The following ZSWIM6 variants were observed in gnomAD, a reference collection of about 807,000 sequenced individuals.
ZSWIM6 encodes the protein zinc finger SWIM-type containing 6, also known as zinc finger SWIM domain-containing protein 6.
A neutral mutation model predicts 113.2 loss-of-function variants in ZSWIM6; 9 were observed. That is an observed-to-expected ratio of 0.08 (90% CI 0.05 to 0.14). The LOEUF (loss-of-function observed/expected upper bound fraction) is 0.14. Ranked by LOEUF, ZSWIM6 falls within the 10% of genes least tolerant of loss-of-function variation. ZSWIM6 has a pLI of 1.00. For synonymous variants in ZSWIM6, 611 were observed against 606.5 expected, an observed-to-expected ratio of 1.01 and a Z score of -0.11; for missense variants, 1,162 against 1,552.2, an observed-to-expected ratio of 0.75 and a Z score of 4.22.
intron 4 of ZSWIM6, among the ~76,000 whole-genome samples, chr5:61,496,530 T>G (rs1748319343): frequency 6.6e-6 from 1 of 152,176 alleles, no homozygotes; most frequent in South Asian, 2.1e-4. Flanking sequence ...GCTTTGGAAT[T>G]AAATGCTGAG....
At chr5:61,421,596 C>T (rs1746356421) in intron 1 of ZSWIM6, among the ~76,000 whole-genome samples, 1 of 152,288 alleles carries the variant, frequency 6.6e-6, no homozygotes, top group Middle Eastern at 3.4e-3. Flanking sequence ...GTATTAAACC[C>T]AGTACCCAAC....
chr5:61,429,494 T>C (rs143541321), intron 1 of ZSWIM6, among the ~76,000 whole-genome samples: 1 of 152,328 alleles, frequency 6.6e-6, no homozygotes, highest in East Asian at 1.9e-4. Flanking sequence ...GAATCTGGCA[T>C]GGCCTGGAAG....
chr5:61,491,479 A>C (rs1467080853), intron 3 of ZSWIM6, among the ~76,000 whole-genome samples: 1 of 152,030 alleles, frequency 6.6e-6, no homozygotes, highest in Non-Finnish European at 1.5e-5. Context: ...ATAATAACAT[A>C]TCTCCTAAAA....
intron 1 of ZSWIM6, among the ~76,000 whole-genome samples, chr5:61,413,572 G>T (rs60859415): frequency 0.14 from 21,496 of 151,970 alleles, 1,630 homozygotes; most frequent in Non-Finnish European, 0.17. Flanking sequence ...GGTATTTCTA[G>T]TTCTAGATCC....
chr5:61,486,046 TGGGCTATA>T (rs1748010276), intron 2 of ZSWIM6, among the ~76,000 whole-genome samples: 1 of 152,136 alleles, frequency 6.6e-6, no homozygotes, highest in Admixed American at 6.6e-5. Context: ...GTGTGTAGTC[TGGGCTATA>T]GGGCATCCAT....
chr5:61,397,304 T>G (rs1745857478), intron 1 of ZSWIM6, among the ~76,000 whole-genome samples: 1 of 152,240 alleles, frequency 6.6e-6, no homozygotes, highest in Non-Finnish European at 1.5e-5. Context: ...TTTCTTAAAT[T>G]TAAATACATT....
chr5:61,385,816 C>G (rs1745581919), intron 1 of ZSWIM6, among the ~76,000 whole-genome samples: 3 of 152,194 alleles, frequency 2.0e-5, no homozygotes, highest in African/African-American at 7.2e-5. Context: ...TGTCCACTGG[C>G]TCTCTTGTCT....
intron 1 of ZSWIM6, among the ~76,000 whole-genome samples, chr5:61,368,488 C>G (rs368533018): frequency 6.6e-6 from 1 of 152,142 alleles, no homozygotes; most frequent in African/African-American, 2.4e-5. Context: ...CAGTAGAAAA[C>G]AAGAGAGAAA....
At chr5:61,365,754 G>T (rs1745136019) in intron 1 of ZSWIM6, among the ~76,000 whole-genome samples, 1 of 152,158 alleles carries the variant, frequency 6.6e-6, no homozygotes, top group South Asian at 2.1e-4. Context: ...ACTTACTAGA[G>T]AGTGTGTGCA....
chr5:61,524,599 C>T (rs774082836), intron 5 of ZSWIM6, among the ~76,000 whole-genome samples: 9 of 152,148 alleles, frequency 5.9e-5, no homozygotes, highest in Non-Finnish European at 1.0e-4. Context: ...GTTCCATCAG[C>T]AGAGTAAAGG....
intron 1 of ZSWIM6, among the ~76,000 whole-genome samples, chr5:61,439,477 T>C (rs1746778725): frequency 6.6e-6 from 1 of 152,338 alleles, no homozygotes; most frequent in Non-Finnish European, 1.5e-5. Context: ...ATAAAGTACA[T>C]GTAGAACAAT....
intron 1 of ZSWIM6, among the ~76,000 whole-genome samples, chr5:61,348,113 C>T (rs1036281462): frequency 1.2e-4 from 18 of 151,734 alleles, no homozygotes; most frequent in Admixed American, 5.9e-4. Flanking sequence ...CCCAGCTACT[C>T]GGGAGGCTGA....
rs537433173 is a variant in ZSWIM6, at chr5:61,442,388, T to G, written c.677-30293T>G. Among the ~76,000 whole-genome samples, 35 of 152,314 alleles carry G rather than the reference T, an allele frequency of 2.3e-4. 1 individual carries two copies. In the Middle Eastern group the frequency reaches 0.031, roughly 133 times the overall value. On this transcript the variant is annotated intron_variant, in intron 1 of 13. Transcript: ENST00000252744. ...CATAGGGAATCTGTCTTGTCAGTCT[T>G]TCTGGCTGCTTCATGCTTAGGAGGG...
chr5:61,467,885 T>G (rs1747471472), intron 1 of ZSWIM6, among the ~76,000 whole-genome samples: 1 of 152,142 alleles, frequency 6.6e-6, no homozygotes, highest in Admixed American at 6.5e-5. Context: ...CAGTGATCCC[T>G]CTCATTTTCC....
At chr5:61,476,942 G>C (rs1303758197) in intron 2 of ZSWIM6, among the ~76,000 whole-genome samples, 1 of 152,080 alleles carries the variant, frequency 6.6e-6, no homozygotes, top group East Asian at 1.9e-4. Context: ...CTCTAACAGT[G>C]TTGGGATAAT....
intron 1 of ZSWIM6, among the ~76,000 whole-genome samples, chr5:61,348,114 G>A (rs899180172): frequency 2.6e-5 from 4 of 152,136 alleles, no homozygotes; most frequent in Non-Finnish European, 5.9e-5. Flanking sequence ...CCAGCTACTC[G>A]GGAGGCTGAG....
intron 1 of ZSWIM6, among the ~76,000 whole-genome samples, chr5:61,338,471 TTTA>T (rs1395256408): frequency 6.6e-6 from 1 of 152,244 alleles, no homozygotes; most frequent in Non-Finnish European, 1.5e-5. Context: ...ATAGGTATTT[TTTA>T]TTGTTCTTTT....
At chr5:61,422,114 T>C (rs1376504658) in intron 1 of ZSWIM6, among the ~76,000 whole-genome samples, 1 of 152,224 alleles carries the variant, frequency 6.6e-6, no homozygotes, top group Non-Finnish European at 1.5e-5. Flanking sequence ...CCTGTGCTTG[T>C]GGGATATTAC....
chr5:61,355,514 C>G (rs1269636056), intron 1 of ZSWIM6, among the ~76,000 whole-genome samples: 2 of 144,506 alleles, frequency 1.4e-5, no homozygotes, highest in African/African-American at 5.2e-5. Context: ...ATGGCAGGAG[C>G]CAGAATGTTA....
Sources: allele counts gnomAD v4.1 joint callset (sites outside exome capture counted in the v4.1 genomes callset), GRCh38; gene constraint gnomAD v4.1.1; transcripts MANE v1.5; gene names NCBI Gene and HGNC (gene_info 2026-07-23, HGNC 2026-07-21).